Variants in TBCK observed in about 807,000 individuals in gnomAD.
TBCK encodes the protein TBC1 domain containing kinase, also known as TBC domain-containing protein kinase-like protein.
A neutral mutation model predicts 113.4 loss-of-function variants in TBCK; 99 were observed. That is an observed-to-expected ratio of 0.87 (90% CI 0.74 to 1.03). The LOEUF is 1.03. TBCK is among the 50% of genes least tolerant of loss of function. The pLI is 0.00. For missense variants in TBCK, 1,045 were observed against 1,061.3 expected, an observed-to-expected ratio of 0.98 and a Z score of 0.21; for synonymous variants, 369 against 370.8, an observed-to-expected ratio of 1.00 and a Z score of 0.05.
At chr4:106,220,308 A>G (rs745947663) in intron 19 of TBCK, among the ~76,000 whole-genome samples, 2 of 152,052 alleles carry the variant, frequency 1.3e-5, no homozygotes, top group Non-Finnish European at 2.9e-5. Flanking sequence ...CTTCTTCCTC[A>G]TCTTCTCCTG....
At chr4:106,284,506 T>G (rs1764927777) in intron 3 of TBCK, among the ~76,000 whole-genome samples, 1 of 152,154 alleles carries the variant, frequency 6.6e-6, no homozygotes, top group African/African-American at 2.4e-5. Flanking sequence ...TCTGCAATAC[T>G]AATGGTATTC....
chr4:106,153,844 A>C (rs533216222), intron 23 of TBCK, among the ~76,000 whole-genome samples: 7 of 151,238 alleles, frequency 4.6e-5, no homozygotes, highest in Admixed American at 4.6e-4. Context: ...TTTTTCCTTG[A>C]ATTCTATTTT....
intron 19 of TBCK, among the ~76,000 whole-genome samples, chr4:106,221,304 ATATGT>A (rs1347627874): frequency 6.6e-6 from 1 of 152,180 alleles, no homozygotes; most frequent in Non-Finnish European, 1.5e-5. Context: ...GATTGGATTT[ATATGT>A]TATAACTGCA....
At chr4:106,180,645 A>G (rs933468140) in intron 22 of TBCK, among the ~76,000 whole-genome samples, 8 of 151,662 alleles carry the variant, frequency 5.3e-5, no homozygotes, top group African/African-American at 1.9e-4. Flanking sequence ...TTGGTTTTCT[A>G]TCTTGTGATA....
intron 22 of TBCK, among the ~76,000 whole-genome samples, chr4:106,188,083 A>G (rs1753237348): frequency 6.6e-6 from 1 of 152,142 alleles, no homozygotes; most frequent in African/African-American, 2.4e-5. Context: ...TTCCAGTACT[A>G]TGTGGAATAG....
chr4:106,260,325 AAAGCTG>A, intron 5 of TBCK, 106 bp downstream of exon 5: 1 of 438,848 alleles, frequency 2.3e-6, no homozygotes, highest in Non-Finnish European at 3.9e-6. Context: ...TAATTTTAAA[AAAGCTG>A]TTTGCATATC....
chr4:106,188,090 A>AC (rs1753241232), intron 22 of TBCK, among the ~76,000 whole-genome samples: 1 of 152,126 alleles, frequency 6.6e-6, no homozygotes, highest in African/African-American at 2.4e-5. Flanking sequence ...ACTATGTGGA[A>AC]TAGGAGTGGT....
intron 24 of TBCK, among the ~76,000 whole-genome samples, chr4:106,107,122 C>T (rs1021050365): frequency 6.6e-6 from 1 of 152,040 alleles, no homozygotes; most frequent in African/African-American, 2.4e-5. Flanking sequence ...TACAGGAGCA[C>T]CCAGATTCAT....
At chr4:106,316,410 TATG>T, upstream of TBCK, 1 of 783,652 alleles carries the variant, frequency 1.3e-6, no homozygotes, top group Non-Finnish European at 2.1e-6. Context: ...AGGAGCGTGG[TATG>T]GCAGGTTAAT....
At chr4:106,220,339 C>T (rs991220351) in intron 19 of TBCK, among the ~76,000 whole-genome samples, 3 of 152,180 alleles carry the variant, frequency 2.0e-5, no homozygotes, top group African/African-American at 7.2e-5. Context: ...GTAAGAAGTG[C>T]CTTTTGCCTC....
At chr4:106,208,409 C>CTT (rs35298308) in intron 20 of TBCK, among the ~76,000 whole-genome samples, 7 of 137,764 alleles carry the variant, frequency 5.1e-5, no homozygotes, top group African/African-American at 1.9e-4. Context: ...TGAGTGGTGC[C>CTT]TTTTTTTTTT....
chr4:106,169,756 A>C (rs1750776041), intron 23 of TBCK, among the ~76,000 whole-genome samples: 1 of 152,058 alleles, frequency 6.6e-6, no homozygotes, highest in Non-Finnish European at 1.5e-5. Flanking sequence ...GACTCTTCAT[A>C]ATGTACAATC....
At chr4:106,185,857 A>ATT (rs1352231519) in intron 22 of TBCK, among the ~76,000 whole-genome samples, 1 of 152,020 alleles carries the variant, frequency 6.6e-6, no homozygotes, top group East Asian at 1.9e-4. Context: ...CCCAATAGGT[A>ATT]TTTTTTCGAT....
At chr4:106,177,714 T>A (rs1751852526) in intron 22 of TBCK, among the ~76,000 whole-genome samples, 1 of 152,034 alleles carries the variant, frequency 6.6e-6, no homozygotes, top group Non-Finnish European at 1.5e-5. Context: ...GTCAGTACAA[T>A]GCTGTTTTGG....
At chr4:106,133,395 A>G (rs1052390565) in intron 23 of TBCK, among the ~76,000 whole-genome samples, 2 of 152,198 alleles carry the variant, frequency 1.3e-5, no homozygotes, top group Non-Finnish European at 2.9e-5. Flanking sequence ...CTGTGAGTCA[A>G]TTAAACCTCT....
chr4:106,116,533 C>T (rs1023079287), intron 23 of TBCK, among the ~76,000 whole-genome samples, 155 bp from the exon 24 acceptor site: 1 of 152,140 alleles, frequency 6.6e-6, no homozygotes, highest in Non-Finnish European at 1.5e-5. Flanking sequence ...CAGTGGTCTC[C>T]AACCCCCAGG....
chr4:106,174,333 T>C (rs1350645125), intron 22 of TBCK, among the ~76,000 whole-genome samples: 1 of 152,098 alleles, frequency 6.6e-6, no homozygotes, highest in Non-Finnish European at 1.5e-5. Flanking sequence ...AGGTAAACTA[T>C]TCAAAAACCT....
intron 23 of TBCK, among the ~76,000 whole-genome samples, chr4:106,148,043 C>T (rs1351624842): frequency 6.6e-6 from 1 of 152,160 alleles, no homozygotes; most frequent in South Asian, 2.1e-4. Flanking sequence ...TCTCCCATAG[C>T]GCTCCCAGGC....
intron 3 of TBCK, among the ~76,000 whole-genome samples, chr4:106,270,633 A>C (rs564342818): frequency 6.6e-6 from 1 of 152,282 alleles, no homozygotes; most frequent in African/African-American, 2.4e-5. Flanking sequence ...TACTGTTCAG[A>C]ATTTTGATTT....
Sources: gnomAD v4.1 joint callset for allele counts (sites outside exome capture counted in the v4.1 genomes callset) on GRCh38, gnomAD v4.1.1 for gene constraint, MANE v1.5 for transcripts, NCBI Gene and HGNC (gene_info 2026-07-23, HGNC 2026-07-21) for gene names.